FAAH2: variants seen among roughly 807,000 people sequenced by gnomAD.
FAAH2 encodes fatty-acid amide hydrolase 2.
FAAH2 carries 60 observed loss-of-function variants against 36.9 expected under a neutral mutation model. The observed-to-expected ratio is 1.63, with a 90% CI of 1.32 to 2.02. The LOEUF (loss-of-function observed/expected upper bound fraction) is 2.02, where lower values mean the gene tolerates loss of function less well. Ranked by LOEUF, FAAH2 falls within the 30% of genes most tolerant of loss-of-function variation. The probability of loss-of-function intolerance (pLI) is 0.00; values close to 1 mark genes in which losing one functional copy is unlikely to be tolerated. For missense variants in FAAH2, 689 were observed against 397.5 expected, an observed-to-expected ratio of 1.73 and a Z score of -6.23; for synonymous variants, 214 against 143.8, an observed-to-expected ratio of 1.49 and a Z score of -3.49.
At chrX:57,480,068 G>T (rs1446322089) in intron 10 of FAAH2, among the ~76,000 whole-genome samples, 1 of 111,433 alleles carries the variant, frequency 9.0e-6, no homozygotes, top group East Asian at 2.8e-4. Flanking sequence ...CCAGGAAGAA[G>T]TTGACTCTCT....
At chrX:57,408,516 T>C (rs2055621079) in intron 7 of FAAH2, among the ~76,000 whole-genome samples, 1 of 105,579 alleles carries the variant, frequency 9.5e-6, no homozygotes. Flanking sequence ...ATTTTGCATT[T>C]TCCTTTCCAA....
At chrX:57,299,188 T>C (rs1480713432) in intron 2 of FAAH2, among the ~76,000 whole-genome samples, 2 of 111,993 alleles carry the variant, frequency 1.8e-5, no homozygotes, top group Admixed American at 9.4e-5. Context: ...TTGATGAACA[T>C]TGATGCAAAA....
At chrX:57,312,896 A>T (rs1353536997) in intron 3 of FAAH2, among the ~76,000 whole-genome samples, 2 of 111,761 alleles carry the variant, frequency 1.8e-5, no homozygotes, top group Non-Finnish European at 3.8e-5. Context: ...GTCTGAAATG[A>T]CTGAGATGAC....
chrX:57,123,878 A>T, the FAAH2 span, among the ~76,000 whole-genome samples: 1 of 111,447 alleles, frequency 9.0e-6, no homozygotes, highest in African/African-American at 3.3e-5. Context: ...AATTTGTTTG[A>T]GTTCATTGTA....
At chrX:57,404,357 C>G (rs952657726) in intron 7 of FAAH2, among the ~76,000 whole-genome samples, 2 of 112,201 alleles carry the variant, frequency 1.8e-5, no homozygotes, top group Non-Finnish European at 3.8e-5. Context: ...ATTTTGGAAA[C>G]AGTGGAAGGA....
At chrX:57,213,344 C>G in the FAAH2 span, among the ~76,000 whole-genome samples, 1 of 111,065 alleles carries the variant, frequency 9.0e-6, no homozygotes, top group Non-Finnish European at 1.9e-5. Context: ...CTACTTCGAT[C>G]TTTGTTATTT....
the FAAH2 span, among the ~76,000 whole-genome samples, chrX:57,215,878 G>A: frequency 1.1e-4 from 11 of 98,122 alleles, no homozygotes; most frequent in Non-Finnish European, 1.6e-4. Flanking sequence ...ATGACAGGTT[G>A]TTGGGTACAG....
intron 3 of FAAH2, among the ~76,000 whole-genome samples, chrX:57,327,917 T>C (rs966596605): frequency 6.3e-5 from 7 of 110,616 alleles, no homozygotes; most frequent in Non-Finnish European, 1.3e-4. Flanking sequence ...AGTGGTGCTC[T>C]GATTTTTAGA....
At chrX:57,293,430 AT>A (rs1259670947) in intron 2 of FAAH2, among the ~76,000 whole-genome samples, 2 of 112,152 alleles carry the variant, frequency 1.8e-5, no homozygotes, top group African/African-American at 6.5e-5. Flanking sequence ...TAGATACTTT[AT>A]ACATGTTTTC....
intron 8 of FAAH2, among the ~76,000 whole-genome samples, chrX:57,445,974 G>A (rs954056184): frequency 1.8e-5 from 2 of 112,570 alleles, no homozygotes; most frequent in Non-Finnish European, 3.8e-5. Context: ...TAGTGGTGGA[G>A]CCAGCCAGGA....
chrX:57,156,042 T>C, the FAAH2 span, among the ~76,000 whole-genome samples: 1 of 112,116 alleles, frequency 8.9e-6, no homozygotes, highest in Non-Finnish European at 1.9e-5. Flanking sequence ...CTCCTGGGTC[T>C]TGCAGGAGCA....
At chrX:57,394,893 T>C in intron 7 of FAAH2, 1 of 829,773 alleles carries the variant, frequency 1.2e-6, no homozygotes, top group Non-Finnish European at 1.8e-6. Context: ...GCCCTGACTA[T>C]TTTACTGCAC....
chrX:57,187,831 T>C, the FAAH2 span, among the ~76,000 whole-genome samples: 2 of 111,715 alleles, frequency 1.8e-5, no homozygotes, highest in Non-Finnish European at 3.8e-5. Context: ...AATGTGGTTT[T>C]GTCATTGGTT....
At chrX:57,415,856 G>A (rs1013616452) in intron 7 of FAAH2, among the ~76,000 whole-genome samples, 3 of 111,077 alleles carry the variant, frequency 2.7e-5, no homozygotes, top group Admixed American at 1.9e-4. Flanking sequence ...TTTTGTGGGA[G>A]TCTAAGTCTC....
intron 8 of FAAH2, among the ~76,000 whole-genome samples, chrX:57,437,424 A>T: frequency 9.0e-6 from 1 of 110,569 alleles, no homozygotes. Context: ...AAACTGGAAA[A>T]GAGGAAGTGA....
chrX:57,128,131 T>A, the FAAH2 span, among the ~76,000 whole-genome samples: 8 of 111,801 alleles, frequency 7.2e-5, no homozygotes, highest in Non-Finnish European at 1.5e-4. Context: ...TCCATCTATT[T>A]TGAGGGTTGA....
the FAAH2 span, among the ~76,000 whole-genome samples, chrX:57,185,445 T>A: frequency 2.7e-5 from 3 of 110,388 alleles, no homozygotes; most frequent in Non-Finnish European, 5.7e-5. Flanking sequence ...TAGAAATCCA[T>A]TGTGTAGAAG....
chrX:57,267,141 C>T, the FAAH2 span, among the ~76,000 whole-genome samples: 4 of 112,648 alleles, frequency 3.6e-5, no homozygotes, highest in Non-Finnish European at 7.5e-5. Flanking sequence ...TACAGGTGTG[C>T]ACCAGCCTGC....
At chrX:57,480,947 C>CTT (rs778377408) in intron 10 of FAAH2, among the ~76,000 whole-genome samples, 3 of 105,861 alleles carry the variant, frequency 2.8e-5, no homozygotes, top group African/African-American at 1.0e-4. Context: ...CCTTTTCACT[C>CTT]TTTTTTTTTT....
Sources: allele counts gnomAD v4.1 joint callset (sites outside exome capture counted in the v4.1 genomes callset), GRCh38; gene constraint gnomAD v4.1.1; transcripts MANE v1.5; gene names NCBI Gene and HGNC (gene_info 2026-07-23, HGNC 2026-07-21).